The following METTL8 variants were observed in gnomAD, a reference collection of about 807,000 sequenced individuals.
METTL8 encodes methyltransferase 8, tRNA N3-cytidine, also known as tRNA N(3)-cytidine methyltransferase METTL8, mitochondrial.
A neutral mutation model predicts 48.7 loss-of-function variants in METTL8; 32 were observed. The observed-to-expected ratio is 0.66, with a 90% confidence interval of 0.50 to 0.88. The LOEUF (loss-of-function observed/expected upper bound fraction) is 0.88. Among genes scored for constraint, METTL8 ranks in the 40% least tolerant of loss-of-function variants. The pLI, the probability that METTL8 is intolerant of heterozygous loss-of-function variation, is 0.00. For missense variants in METTL8, 464 were observed against 474.4 expected (o/e 0.98, Z 0.20); for synonymous variants, 136 against 157.1 (o/e 0.87, Z 1.01).
intron 1 of METTL8, among the ~76,000 whole-genome samples, chr2:171,431,250 C>A (rs1217643009): frequency 6.6e-6 from 1 of 152,130 alleles, no homozygotes; most frequent in Non-Finnish European, 1.5e-5. Flanking sequence ...AACACATGTG[C>A]AGTAAGGGAA....
chr2:171,322,632 T>G lies in METTL8; in HGVS notation c.*1540A>C, dbSNP rs1479702087. ...GGTGGTGGGTGCTTGTAGTCCCAGC[T>G]ACTCAGGAGGCTGAAGCAAGAGAAT... On this transcript the variant is annotated 3_prime_UTR_variant, in exon 10 of 10. Coordinates refer to ENST00000375258, the MANE Select transcript of METTL8 (RefSeq NM_001321154.2). The G allele has an allele frequency of 6.7e-6, 1 of 149,492 alleles. No homozygotes were observed. The highest frequency in any genetic ancestry group is 1.5e-5 in the Non-Finnish European group (1 of 67,774). The allele number at this position is 149,492 out of a possible 1,614,324, so 9.3% of individuals were successfully genotyped here. A position where few individuals can be genotyped will look rare whatever the true frequency, so the allele number is the denominator to read the frequency against.
chr2:171,360,472 CT>C lies in METTL8; in HGVS notation c.184del (p.Arg62GlufsTer4). The C allele has an allele frequency of 6.2e-7, 1 of 1,613,746 alleles. No homozygotes were observed. On this transcript the variant is annotated frameshift_variant, in exon 3 of 10. Coordinates refer to ENST00000375258, the MANE Select transcript of METTL8 (RefSeq NM_001321154.2). LOFTEE classifies it high-confidence loss of function. The stretch of plus-strand genomic sequence containing the variant: ...AGCTGAGTTTTCTTTTACTTTTTTT[CT>C]GGCTGCTGCTTCTTCTTCCTTAGAC... ...QWSKEEEAAA[R>X]KKVKENSAVR...
chr2:171,348,253 C>A (rs145319308), intron 3 of METTL8, among the ~76,000 whole-genome samples: 2 of 152,254 alleles, frequency 1.3e-5, no homozygotes, highest in African/African-American at 4.8e-5. Flanking sequence ...AAACAAAATT[C>A]AATCTCAGGG....
At position 171,360,409 on chromosome 2, in the gene METTL8, C is replaced by T. The variant is rs201929130; in HGVS notation, c.235+13G>A. On this transcript the variant is annotated intron_variant, in intron 3 of 9. Transcript: ENST00000375258. ...AGCTCTGGCTCTAGGAGCTACAGCA[C>T]GCAGTTGACTACCTTGCTCTTCCAG... The T allele has an allele frequency of 8.7e-6, 14 of 1,610,718 alleles. No individual in the cohort carries two copies. Among genetic ancestry groups the T allele is most frequent in the Admixed American group, 3.3e-5 (2 of 59,724 alleles).
chr2:171,330,908 A>G (rs965124182), intron 6 of METTL8, among the ~76,000 whole-genome samples: 13 of 152,154 alleles, frequency 8.5e-5, no homozygotes, highest in African/African-American at 3.1e-4. Flanking sequence ...GATAACAAAT[A>G]TCCTTCGCAA....
chr2:171,425,126 T>C (rs559729931), intron 1 of METTL8, among the ~76,000 whole-genome samples: 4 of 152,214 alleles, frequency 2.6e-5, no homozygotes, highest in Non-Finnish European at 5.9e-5. Context: ...CCTTCTGCCA[T>C]GACTGTAAGT....
chr2:171,327,705 C>T (rs556126735), intron 7 of METTL8, among the ~76,000 whole-genome samples: 2 of 152,058 alleles, frequency 1.3e-5, no homozygotes, highest in Non-Finnish European at 2.9e-5. Context: ...GGTGAAAAGT[C>T]CTTTTAAAAA....
intron 1 of METTL8, among the ~76,000 whole-genome samples, chr2:171,412,383 C>A (rs1308226655): frequency 6.6e-6 from 1 of 152,184 alleles, no homozygotes; most frequent in Admixed American, 6.5e-5. Flanking sequence ...TCCACAACTT[C>A]CCAGCCAGAC....
chr2:171,432,939 A>C (rs1693261535), intron 1 of METTL8: 1 of 152,232 alleles, frequency 6.6e-6, no homozygotes, highest in Admixed American at 6.5e-5. Context: ...ACAAACCAAA[A>C]CACTTCTAAT....
chr2:171,375,588 C>T (rs1686879066), intron 2 of METTL8, among the ~76,000 whole-genome samples: 1 of 152,120 alleles, frequency 6.6e-6, no homozygotes, highest in Non-Finnish European at 1.5e-5. Flanking sequence ...TTTTCATGTG[C>T]TTATTTACCA....
intron 3 of METTL8, among the ~76,000 whole-genome samples, chr2:171,356,119 TTG>T (rs1684512217): frequency 6.6e-6 from 1 of 152,082 alleles, no homozygotes; most frequent in South Asian, 2.1e-4. Context: ...CCACACCTTT[TTG>T]TCTTTTCTTC....
chr2:171,434,532 G>C (rs1574299155), upstream of METTL8: 2 of 1,522,470 alleles, frequency 1.3e-6, no homozygotes, highest in Non-Finnish European at 8.8e-7. Flanking sequence ...AGTGTGGGGC[G>C]CGCCACTCGG....
intron 3 of METTL8, among the ~76,000 whole-genome samples, chr2:171,353,648 G>A (rs560219110): frequency 8.5e-5 from 13 of 152,306 alleles, no homozygotes; most frequent in African/African-American, 3.1e-4. Context: ...GGGTGCTCCT[G>A]TATTGGGTGC....
intron 2 of METTL8, among the ~76,000 whole-genome samples, chr2:171,370,231 T>A (rs1397452476): frequency 6.6e-6 from 1 of 152,144 alleles, no homozygotes; most frequent in African/African-American, 2.4e-5. Context: ...TTCTTTCTGT[T>A]TTCTTTGGTG....
At chr2:171,382,194 C>A (rs564259414) in intron 2 of METTL8, among the ~76,000 whole-genome samples, 65 of 152,166 alleles carry the variant, frequency 4.3e-4, no homozygotes, top group African/African-American at 1.3e-3. Context: ...CCCAGTAATC[C>A]CATTACTGGG....
At chr2:171,373,169 C>T (rs1686550997) in intron 2 of METTL8, among the ~76,000 whole-genome samples, 2 of 152,082 alleles carry the variant, frequency 1.3e-5, no homozygotes, top group Non-Finnish European at 2.9e-5. Flanking sequence ...TTTTAATGAT[C>T]ACCATTCTAA....
At chr2:171,378,623 T>A (rs1687209569) in intron 2 of METTL8, among the ~76,000 whole-genome samples, 1 of 151,594 alleles carries the variant, frequency 6.6e-6, no homozygotes, top group African/African-American at 2.4e-5. Context: ...AGAGCGAGAC[T>A]CCATCTAAAA....
chr2:171,317,008 G>A lies in METTL8; in HGVS notation c.*7164C>T, dbSNP rs1324609186. Among the ~76,000 whole-genome samples, 1 of 152,212 alleles carries A rather than the reference G, an allele frequency of 6.6e-6. No homozygotes were observed. Among genetic ancestry groups the A allele is most frequent in the East Asian group, 1.9e-4 (1 of 5,192 alleles). Reference sequence around the variant, plus strand: ...CAGGAGGAACACAAGTTGCTCTCAGGAGGCAGAAGGTGAGAGAAATGAGGC... The same window carrying A: ...CAGGAGGAACACAAGTTGCTCTCAGAAGGCAGAAGGTGAGAGAAATGAGGC... On this transcript the variant is annotated 3_prime_UTR_variant, in exon 10 of 10. Transcript: ENST00000375258.
intron 2 of METTL8, among the ~76,000 whole-genome samples, chr2:171,361,842 T>G (rs1184497070): frequency 6.6e-6 from 1 of 152,168 alleles, no homozygotes; most frequent in Non-Finnish European, 1.5e-5. Flanking sequence ...ATTCTCCTAG[T>G]GCAAGCAGGT....
Sources: allele counts gnomAD v4.1 joint callset (sites outside exome capture counted in the v4.1 genomes callset), GRCh38; gene constraint gnomAD v4.1.1; transcripts MANE v1.5; gene names NCBI Gene and HGNC (gene_info 2026-07-23, HGNC 2026-07-21).